CNTN6: variants seen among roughly 807,000 people sequenced by gnomAD.
CNTN6 encodes the protein contactin 6.
A neutral mutation model predicts 122.8 loss-of-function variants in CNTN6; 137 were observed. The observed-to-expected ratio is 1.12, with a 90% CI of 0.97 to 1.29. The LOEUF is 1.29. Ranked by LOEUF, CNTN6 falls within the 50% of genes most tolerant of loss-of-function variation. The probability of loss-of-function intolerance (pLI) is 0.00; values close to 1 mark genes in which losing one functional copy is unlikely to be tolerated. For synonymous variants in CNTN6, 570 were observed against 426.0 expected (o/e 1.34, Z -4.16); for missense variants, 1,634 against 1,223.4 (o/e 1.34, Z -5.01).
intron 1 of CNTN6, among the ~76,000 whole-genome samples, chr3:1,119,397 T>C (rs1345992458): frequency 7.1e-6 from 1 of 141,616 alleles, no homozygotes; most frequent in African/African-American, 2.7e-5. Context: ...AGCTTTGACA[T>C]CTTAAAAACT....
intron 2 of CNTN6, among the ~76,000 whole-genome samples, chr3:1,158,567 C>A (rs887235082): frequency 3.4e-5 from 5 of 147,352 alleles, no homozygotes; most frequent in African/African-American, 1.2e-4. Flanking sequence ...TGTTTCTTGA[C>A]ACAGACTCAA....
At chr3:1,250,158 A>C (rs548556675) in intron 4 of CNTN6, among the ~76,000 whole-genome samples, 22 of 152,330 alleles carry the variant, frequency 1.4e-4, no homozygotes, top group African/African-American at 5.3e-4. Context: ...CAGTAAGCCA[A>C]AATATGGGAA....
intron 1 of CNTN6, among the ~76,000 whole-genome samples, chr3:1,097,173 A>G (rs539771329): frequency 1.8e-4 from 27 of 152,342 alleles, no homozygotes; most frequent in Admixed American, 5.2e-4. Flanking sequence ...GGAAAAACAG[A>G]GCCATTGGGC....
intron 2 of CNTN6, among the ~76,000 whole-genome samples, chr3:1,180,741 G>A (rs1203577226): frequency 1.3e-5 from 2 of 152,162 alleles, no homozygotes; most frequent in Non-Finnish European, 2.9e-5. Flanking sequence ...GTGAATAGTA[G>A]CTCTGCTGCC....
chr3:1,332,677 C>T (rs930017293), intron 11 of CNTN6, among the ~76,000 whole-genome samples: 4 of 151,950 alleles, frequency 2.6e-5, no homozygotes, highest in African/African-American at 7.2e-5. Context: ...GAGAGCCTGA[C>T]TTTGGCAAAG....
At chr3:1,241,870 A>G (rs2094490315) in intron 4 of CNTN6, among the ~76,000 whole-genome samples, 1 of 152,240 alleles carries the variant, frequency 6.6e-6, no homozygotes. Flanking sequence ...CTCTAAAAGT[A>G]TTAAAGCAGC....
chr3:1,374,059 G>A lies in CNTN6; in HGVS notation c.2081G>A (p.Arg694Lys). ...CCAAGTGAACCATCAGAATTGTTAAGAACTAAAGCATCAGGTAAAGAATCA... is the reference window on the plus strand; with the variant it reads ...CCAAGTGAACCATCAGAATTGTTAAAAACTAAAGCATCAGGTAAAGAATCA... ...GEPSEPSELL[R>K]TKASVPVVAP... The change falls in exon 16 of 23, where the codon AGA becomes AAA. Residue 694 changes from arginine (R) to lysine (K), a missense_variant. Arg to Lys is a conservative substitution (Grantham distance 26). Coordinates refer to ENST00000446702, the MANE Select transcript of CNTN6 (RefSeq NM_001289080.2). The A allele has an allele frequency of 6.2e-7, 1 of 1,612,432 alleles. No homozygotes were observed. The highest frequency in any genetic ancestry group is 8.5e-7 in the Non-Finnish European group (1 of 1,178,852).
intron 1 of CNTN6, among the ~76,000 whole-genome samples, chr3:1,136,605 C>A (rs1229580990): frequency 6.6e-6 from 1 of 152,148 alleles, no homozygotes; most frequent in South Asian, 2.1e-4. Flanking sequence ...CTGTAGGAAG[C>A]CTTACCCTGT....
In CNTN6 at chr3:1,325,822, A is replaced by C. The variant is rs761163641; in HGVS notation, c.954A>C (p.Pro318=). 10 of 1,610,146 alleles carry C rather than the reference A, an allele frequency of 6.2e-6. No individual in the cohort carries two copies. The highest frequency in any genetic ancestry group is 1.1e-5 in the South Asian group (1 of 90,612). ...AKGQLIFYAP[P]EWEQKIQNTH... is the part of the protein sequence containing the mutation. The stretch of plus-strand genomic sequence containing the variant: ...CTTGCCTTTTTGAAACAGCTCCTCC[A>C]GAATGGGAACAGAAAATCCAAAATA... The change falls in exon 9 of 23, where the codon CCA becomes CCC. Residue 318 remains proline (P), a synonymous_variant. Coordinates refer to ENST00000446702, the MANE Select transcript of CNTN6 (RefSeq NM_001289080.2).
At chr3:1,274,257 G>A (rs1302450225) in intron 4 of CNTN6, among the ~76,000 whole-genome samples, 1 of 152,256 alleles carries the variant, frequency 6.6e-6, no homozygotes, top group Admixed American at 6.5e-5. Flanking sequence ...GGACTCCCAA[G>A]TCAAGGCAAT....
intron 11 of CNTN6, among the ~76,000 whole-genome samples, chr3:1,332,283 C>T (rs1482497101): frequency 3.3e-5 from 5 of 151,966 alleles, no homozygotes; most frequent in Non-Finnish European, 7.4e-5. Flanking sequence ...TATGTCCCTG[C>T]ACACTTTCTA....
In CNTN6 at chr3:1,245,276, C is replaced by CAT. The variant is rs1559596978; in HGVS notation, c.358+17284_358+17285insTA. Among the ~76,000 whole-genome samples the CAT allele has an allele frequency of 4.0e-3, 28 of 7,070 alleles. 1 individual carries two copies. Among genetic ancestry groups the CAT allele is most frequent in the Admixed American group, 6.6e-3 (5 of 752 alleles). 4.6% of individuals were successfully genotyped at this position (7,070 alleles called of 152,430 possible). On this transcript the variant is annotated intron_variant, in intron 4 of 22. Transcript: ENST00000446702. ...TATATAACATATATATATATATATA[C>CAT]ACACACATATATATATAACATATAT...
intron 20 of CNTN6, among the ~76,000 whole-genome samples, chr3:1,391,803 C>A (rs1373551202): frequency 3.3e-5 from 5 of 150,754 alleles, no homozygotes; most frequent in Admixed American, 6.6e-5. Context: ...CTCCCATTCA[C>A]AATTGCTTCA....
At chr3:1,154,469 G>A (rs1397582345) in intron 2 of CNTN6, among the ~76,000 whole-genome samples, 1 of 114,354 alleles carries the variant, frequency 8.7e-6, no homozygotes, top group Non-Finnish European at 1.7e-5. Flanking sequence ...TTGAGGTGGA[G>A]TTTTGCTCTT....
intron 7 of CNTN6, among the ~76,000 whole-genome samples, chr3:1,318,965 C>G (rs1411286901): frequency 6.6e-6 from 1 of 151,672 alleles, no homozygotes; most frequent in African/African-American, 2.4e-5. Flanking sequence ...TGCTACATTA[C>G]TCGTCTAAGA....
intron 20 of CNTN6, among the ~76,000 whole-genome samples, chr3:1,395,577 C>T (rs1224347043): frequency 1.3e-5 from 2 of 152,134 alleles, no homozygotes; most frequent in East Asian, 3.9e-4. Flanking sequence ...TCTTGCTTCC[C>T]TCTTTCCCTT....
intron 2 of CNTN6, among the ~76,000 whole-genome samples, chr3:1,198,560 TA>T (rs532086808): frequency 3.2e-4 from 48 of 152,068 alleles, no homozygotes; most frequent in Admixed American, 2.4e-3. Context: ...CGATCTCTAC[TA>T]AAAATACAAA....
At chr3:1,243,809 T>C (rs2094521652) in intron 4 of CNTN6, among the ~76,000 whole-genome samples, 1 of 152,028 alleles carries the variant, frequency 6.6e-6, no homozygotes, top group South Asian at 2.1e-4. Flanking sequence ...TATTGGGACT[T>C]AGCTGGGTCT....
chr3:1,201,081 C>T (rs1963054), intron 2 of CNTN6, among the ~76,000 whole-genome samples: 3,003 of 149,768 alleles, frequency 0.02, 97 homozygotes, highest in African/African-American at 0.068. Flanking sequence ...ACAGGCACCA[C>T]TGTGCCCAGC....
Sources: gnomAD v4.1 joint callset for allele counts (sites outside exome capture counted in the v4.1 genomes callset) on GRCh38, gnomAD v4.1.1 for gene constraint, MANE v1.5 for transcripts, NCBI Gene and HGNC (gene_info 2026-07-23, HGNC 2026-07-21) for gene names.